PPP6R2: variants seen among roughly 807,000 people sequenced by gnomAD.
PPP6R2 encodes the protein protein phosphatase 6 regulatory subunit 2.
A neutral mutation model predicts 100.2 loss-of-function variants in PPP6R2; 62 were observed. The observed-to-expected ratio is 0.62, with a 90% confidence interval of 0.50 to 0.76. The LOEUF (loss-of-function observed/expected upper bound fraction) is 0.76. PPP6R2 is among the 30% of genes least tolerant of loss of function. PPP6R2 has a pLI of 0.00. For missense variants in PPP6R2, 1,142 were observed against 1,276.3 expected, an observed-to-expected ratio of 0.89 and a Z score of 1.60; for synonymous variants, 525 against 514.7, an observed-to-expected ratio of 1.02 and a Z score of -0.27.
intron 4 of PPP6R2, among the ~76,000 whole-genome samples, chr22:50,414,156 T>C (rs1476476633): frequency 1.3e-5 from 2 of 152,188 alleles, no homozygotes; most frequent in African/African-American, 4.8e-5. Flanking sequence ...GTTCTAGGCC[T>C]GGGGCTGCCA....
At chr22:50,376,208 A>T (rs2051515071) in intron 2 of PPP6R2, among the ~76,000 whole-genome samples, 1 of 152,062 alleles carries the variant, frequency 6.6e-6, no homozygotes, top group South Asian at 2.1e-4. Flanking sequence ...TAACCCCAGC[A>T]TATTGGGAGG....
At chr22:50,331,440 A>G in the PPP6R2 span, among the ~76,000 whole-genome samples, 76 of 152,130 alleles carry the variant, frequency 5.0e-4, 2 homozygotes, top group South Asian at 0.016. Flanking sequence ...AGTTCTCCAC[A>G]TCCTCCCCAA....
chr22:50,373,281 G>A (rs1007310447), intron 2 of PPP6R2, among the ~76,000 whole-genome samples: 2 of 134,000 alleles, frequency 1.5e-5, no homozygotes, highest in South Asian at 2.4e-4. Flanking sequence ...TTGCTCAGTC[G>A]CCCAGGCTGG....
intron 12 of PPP6R2, among the ~76,000 whole-genome samples, chr22:50,433,089 C>G (rs1202855363): frequency 6.6e-6 from 1 of 152,286 alleles, no homozygotes; most frequent in Admixed American, 6.5e-5. Flanking sequence ...CTCAGTGGCA[C>G]TTTTGGTAGT....
intron 2 of PPP6R2, among the ~76,000 whole-genome samples, chr22:50,392,340 GAAAAAAAAA>G: frequency 8.5e-6 from 1 of 117,608 alleles, no homozygotes; most frequent in East Asian, 2.7e-4. Context: ...TGTCTCTACA[GAAAAAAAAA>G]AAAAAAAAAC....
At chr22:50,341,707 A>G (rs1033751750), upstream of PPP6R2, among the ~76,000 whole-genome samples, 9 of 150,692 alleles carry the variant, frequency 6.0e-5, no homozygotes, top group Middle Eastern at 3.2e-3. Flanking sequence ...AGAGGAGGAG[A>G]GGGCTGGCCG....
Position 50,436,611 on chromosome 22 carries a change from C to T in PPP6R2, c.1602+159C>T, listed in dbSNP as rs566315787. ...CGGTGCCCCTGCATAGTGTGTCCTC[C>T]GGGCTGATGTCCGTAACAGAGACCC... On this transcript the variant is annotated intron_variant, in intron 14 of 23. Coordinates refer to ENST00000612753, the MANE Select transcript of PPP6R2 (RefSeq NM_001242898.2). Among the ~76,000 whole-genome samples, 5 of 152,360 alleles carry T rather than the reference C, an allele frequency of 3.3e-5. No individual in the cohort carries two copies. In the East Asian group the frequency reaches 5.8e-4, roughly 18 times the overall value.
rs933944626 is a variant in PPP6R2, at chr22:50,444,376, C to T, written c.*129C>T. 9.5e-6 allele frequency: 12 copies of T among 1,266,042 alleles called. No homozygotes were observed. The African/African-American group carries it at 1.5e-4, about 16-fold the overall frequency. The allele number at this position is 1,266,042 out of a possible 1,614,324, so 78.4% of individuals were successfully genotyped here. On this transcript the variant is annotated 3_prime_UTR_variant, in exon 24 of 24. Coordinates refer to ENST00000612753, the MANE Select transcript of PPP6R2 (RefSeq NM_001242898.2). ...TAAAATAAATGCTGCATTGGTAAAG[C>T]TGGCAGTTGAAACCAGTTGGACGGC...
intron 5 of PPP6R2, among the ~76,000 whole-genome samples, chr22:50,415,468 G>A (rs1311661541): frequency 5.3e-5 from 8 of 152,254 alleles, no homozygotes; most frequent in Admixed American, 5.2e-4. Context: ...TTAGTGGGAA[G>A]CCTGCAGAAC....
chr22:50,397,901 CG>C lies in PPP6R2; in HGVS notation c.227+3773del, dbSNP rs55943622. Among the ~76,000 whole-genome samples, 168 of 41,552 alleles carry C rather than the reference CG, an allele frequency of 4.0e-3. 1 individual carries two copies. Among genetic ancestry groups the C allele is most frequent in the Middle Eastern group, 0.013 (1 of 80 alleles). The allele number at this position is 41,552 out of a possible 152,430, so 27.3% of individuals were successfully genotyped here. ...TGAGGAGTGTGACTTGGGATGGGGG[CG>C]GGGGGGCCTGTCCTCACCAGCCTTG... On this transcript the variant is annotated intron_variant, in intron 3 of 23. Coordinates refer to ENST00000612753, the MANE Select transcript of PPP6R2 (RefSeq NM_001242898.2).
chr22:50,436,553 G>GGCA, intron 14 of PPP6R2, 101 bp downstream of exon 14: 1 of 1,174,136 alleles, frequency 8.5e-7, no homozygotes, highest in Non-Finnish European at 1.2e-6. Context: ...GGAGGCACAA[G>GGCA]GGCCGCACGC....
chr22:50,395,029 G>GA (rs1335452796), intron 3 of PPP6R2, among the ~76,000 whole-genome samples: 1 of 151,934 alleles, frequency 6.6e-6, no homozygotes, highest in Non-Finnish European at 1.5e-5. Context: ...AATATGTTGG[G>GA]AAAAAAAGAC....
chr22:50,380,264 GGTTT>G (rs941541619), intron 2 of PPP6R2, among the ~76,000 whole-genome samples: 18 of 151,818 alleles, frequency 1.2e-4, no homozygotes, highest in African/African-American at 4.4e-4. Flanking sequence ...GTAGAGATGG[GGTTT>G]TACCGTGTTA....
chr22:50,416,531 A>G (rs1156510232), intron 6 of PPP6R2, among the ~76,000 whole-genome samples: 1 of 151,762 alleles, frequency 6.6e-6, no homozygotes, highest in Non-Finnish European at 1.5e-5. Flanking sequence ...AGGTCTCACT[A>G]CATTGCTCAG....
intron 3 of PPP6R2, among the ~76,000 whole-genome samples, chr22:50,404,859 G>T (rs950042692): frequency 7.2e-5 from 11 of 152,264 alleles, no homozygotes; most frequent in African/African-American, 2.6e-4. Context: ...TGGGCCCTGG[G>T]CTCCTCCCCA....
chr22:50,404,659 A>C (rs1603253125), intron 3 of PPP6R2, among the ~76,000 whole-genome samples: 6 of 114,200 alleles, frequency 5.3e-5, no homozygotes, highest in South Asian at 2.8e-4. Context: ...CTAGTCTCCC[A>C]CTCCTGAGCT....
chr22:50,357,400 C>G (rs2046829830), intron 1 of PPP6R2, among the ~76,000 whole-genome samples: 1 of 151,758 alleles, frequency 6.6e-6, no homozygotes, highest in Non-Finnish European at 1.5e-5. Flanking sequence ...TTCCCTCCCT[C>G]TCTCCATCCC....
intron 2 of PPP6R2, chr22:50,393,415 G>C: frequency 1.0e-6 from 1 of 985,350 alleles, no homozygotes; most frequent in African/African-American, 1.7e-5. Flanking sequence ...GATGTCCAGT[G>C]TTCACTCAGG....
rs1374279123 is a variant in PPP6R2 at position 50,349,218 on chromosome 22, G to A, written c.-148+5668G>A. Among the ~76,000 whole-genome samples the A allele has an allele frequency of 6.1e-5, 8 of 131,924 alleles. No individual in the cohort carries two copies. The Admixed American group carries it at 6.3e-4, about 10-fold the overall frequency. The allele number at this position is 131,924 out of a possible 152,430, so 86.5% of individuals were successfully genotyped here. On this transcript the variant is annotated intron_variant, in intron 1 of 23. Transcript: ENST00000612753. The stretch of plus-strand genomic sequence containing the variant: ...CTCAAAAAAAAAAAAAAAAAAAAAA[G>A]TTGGGCATGGTGGTGTGCGCCTATA...
Sources: gnomAD v4.1 joint callset for allele counts (sites outside exome capture counted in the v4.1 genomes callset) on GRCh38, gnomAD v4.1.1 for gene constraint, MANE v1.5 for transcripts, NCBI Gene and HGNC (gene_info 2026-07-23, HGNC 2026-07-21) for gene names.